The following CTNNA3 variants were observed in gnomAD, a reference collection of about 807,000 sequenced individuals.
CTNNA3 encodes catenin alpha 3.
CTNNA3 carries 76 observed loss-of-function variants against 95.7 expected under a neutral mutation model. The observed-to-expected ratio is 0.79, with a 90% confidence interval of 0.66 to 0.96. CTNNA3 has a LOEUF of 0.96. Ranked by LOEUF, CTNNA3 falls within the 40% of genes least tolerant of loss-of-function variation. CTNNA3 has a pLI of 0.00. For missense variants in CTNNA3, 1,191 were observed against 1,089.8 expected (o/e 1.09, Z -1.31); for synonymous variants, 431 against 374.4 (o/e 1.15, Z -1.74).
At chr10:66,799,361 T>C (rs543524586) in intron 7 of CTNNA3, among the ~76,000 whole-genome samples, 4 of 151,538 alleles carry the variant, frequency 2.6e-5, no homozygotes, top group South Asian at 2.1e-4. Context: ...AAATGAGTAA[T>C]AGAGAGACAA....
intron 2 of CTNNA3, among the ~76,000 whole-genome samples, chr10:67,613,317 C>T (rs571230349): frequency 6.6e-6 from 1 of 151,926 alleles, no homozygotes; most frequent in South Asian, 2.1e-4. Flanking sequence ...TTGACTCATC[C>T]TGAAAACACA....
intron 7 of CTNNA3, among the ~76,000 whole-genome samples, chr10:66,792,640 C>G (rs1299235104): frequency 3.3e-5 from 5 of 152,168 alleles, no homozygotes; most frequent in African/African-American, 1.2e-4. Flanking sequence ...ATACAATCCA[C>G]TTAATGTTGT....
chr10:67,580,798 G>A (rs1479106061), intron 3 of CTNNA3, among the ~76,000 whole-genome samples: 2 of 152,054 alleles, frequency 1.3e-5, no homozygotes, highest in African/African-American at 4.8e-5. Flanking sequence ...GGATTCCTAG[G>A]TATTTTATTC....
chr10:66,116,204 C>A (rs964051975), intron 13 of CTNNA3, among the ~76,000 whole-genome samples: 1 of 152,154 alleles, frequency 6.6e-6, no homozygotes, highest in Non-Finnish European at 1.5e-5. Context: ...GAAACTAGCT[C>A]ATGGCAAATG....
intron 5 of CTNNA3, among the ~76,000 whole-genome samples, chr10:67,492,460 C>T (rs899166800): frequency 6.6e-6 from 1 of 152,176 alleles, no homozygotes; most frequent in Non-Finnish European, 1.5e-5. Context: ...GTATACTTAA[C>T]CTTTCATATC....
At chr10:67,526,707 A>C (rs936370165) in intron 4 of CTNNA3, among the ~76,000 whole-genome samples, 1 of 152,224 alleles carries the variant, frequency 6.6e-6, no homozygotes, top group African/African-American at 2.4e-5. Flanking sequence ...AAAGAGAAAC[A>C]ACTCTTACCC....
chr10:66,076,837 A>G (rs990883991), intron 14 of CTNNA3, among the ~76,000 whole-genome samples: 1 of 151,758 alleles, frequency 6.6e-6, no homozygotes, highest in African/African-American at 2.4e-5. Flanking sequence ...GGTAGATATT[A>G]ATGTCCATTT....
At chr10:66,380,212 T>C (rs979260733) in intron 11 of CTNNA3, among the ~76,000 whole-genome samples, 2 of 152,096 alleles carry the variant, frequency 1.3e-5, no homozygotes, top group Non-Finnish European at 2.9e-5. Context: ...TCTTTCTCTT[T>C]CCCAATCTGC....
At chr10:67,127,166 T>C (rs560753955) in intron 7 of CTNNA3, among the ~76,000 whole-genome samples, 1 of 152,336 alleles carries the variant, frequency 6.6e-6, no homozygotes, top group East Asian at 1.9e-4. Context: ...CCCATGTAAA[T>C]AAACATTTAT....
At chr10:67,179,402 T>C (rs1053530931) in intron 7 of CTNNA3, among the ~76,000 whole-genome samples, 5 of 149,964 alleles carry the variant, frequency 3.3e-5, no homozygotes, top group African/African-American at 1.2e-4. Flanking sequence ...ATTTCATATA[T>C]ATGTATAAAT....
At chr10:67,103,610 C>G (rs575446727) in intron 7 of CTNNA3, among the ~76,000 whole-genome samples, 1 of 151,654 alleles carries the variant, frequency 6.6e-6, no homozygotes, top group Admixed American at 6.6e-5. Context: ...AATAATTTGC[C>G]AAGGCTCACA....
intron 2 of CTNNA3, among the ~76,000 whole-genome samples, chr10:67,631,901 A>G (rs1307887512): frequency 1.3e-5 from 2 of 152,210 alleles, no homozygotes. Context: ...TCTCACTTAT[A>G]TGTGAAATCT....
chr10:67,140,145 C>T (rs1287322231), intron 7 of CTNNA3, among the ~76,000 whole-genome samples: 3 of 152,132 alleles, frequency 2.0e-5, no homozygotes, highest in Admixed American at 6.5e-5. Flanking sequence ...TATATACAGA[C>T]AACACATATC....
chr10:67,592,409 C>A (rs1055019298), intron 3 of CTNNA3, among the ~76,000 whole-genome samples: 1 of 152,056 alleles, frequency 6.6e-6, no homozygotes, highest in African/African-American at 2.4e-5. Context: ...CTCCCACTCA[C>A]CAAACAAAGG....
chr10:66,213,335 T>C (rs1450399995), intron 13 of CTNNA3, among the ~76,000 whole-genome samples: 1 of 152,182 alleles, frequency 6.6e-6, no homozygotes, highest in Non-Finnish European at 1.5e-5. Context: ...AATTTCTTTA[T>C]TTGCTTTGAT....
intron 1 of CTNNA3, among the ~76,000 whole-genome samples, chr10:67,681,097 T>C (rs1840617503): frequency 6.6e-6 from 1 of 152,222 alleles, no homozygotes; most frequent in African/African-American, 2.4e-5. Context: ...AAGTGATGTA[T>C]AGGCAAATTG....
intron 15 of CTNNA3, among the ~76,000 whole-genome samples, chr10:66,002,607 G>T (rs777233232): frequency 6.6e-6 from 1 of 152,124 alleles, no homozygotes; most frequent in Admixed American, 6.6e-5. Flanking sequence ...TGGGTGGTGG[G>T]CTATGTACCA....
intron 7 of CTNNA3, among the ~76,000 whole-genome samples, chr10:67,177,230 T>C (rs917158735): frequency 2.6e-5 from 4 of 152,212 alleles, no homozygotes; most frequent in African/African-American, 4.8e-5. Context: ...TTGAACTTAT[T>C]GAACGTTGAG....
intron 13 of CTNNA3, among the ~76,000 whole-genome samples, chr10:66,265,833 C>T (rs1158845036): frequency 6.6e-6 from 1 of 151,930 alleles, no homozygotes; most frequent in Non-Finnish European, 1.5e-5. Context: ...ATCATAACTA[C>T]TTTATCCATA....
Sources: gnomAD v4.1 joint callset for allele counts (sites outside exome capture counted in the v4.1 genomes callset) on GRCh38, gnomAD v4.1.1 for gene constraint, MANE v1.5 for transcripts, NCBI Gene and HGNC (gene_info 2026-07-23, HGNC 2026-07-21) for gene names.